The following SLC25A31 variants were observed in gnomAD, a reference collection of about 807,000 sequenced individuals.
SLC25A31 encodes solute carrier family 25 member 31.
Under a neutral mutation model 36.2 loss-of-function variants are expected in SLC25A31, and 40 were observed. The ratio of observed to expected loss-of-function variants is 1.10; its 90% CI spans 0.86 to 1.44. The LOEUF (loss-of-function observed/expected upper bound fraction) is 1.44. Ranked by LOEUF, SLC25A31 falls within the 40% of genes most tolerant of loss-of-function variation. The pLI, the probability that SLC25A31 is intolerant of heterozygous loss-of-function variation, is 0.00. For missense variants in SLC25A31, 350 were observed against 397.1 expected (o/e 0.88, Z 1.01); for synonymous variants, 143 against 149.7 (o/e 0.96, Z 0.32).
intron 1 of SLC25A31, among the ~76,000 whole-genome samples, chr4:127,735,009 T>G (rs1578654122): frequency 6.6e-6 from 1 of 152,192 alleles, no homozygotes; most frequent in African/African-American, 2.4e-5. Context: ...TTATAGATTC[T>G]ATTATCAGGT....
In SLC25A31 at chr4:127,764,232, A is replaced by C; in HGVS notation, c.361-11A>C. 10 of 1,608,632 alleles carry C rather than the reference A, an allele frequency of 6.2e-6. No homozygotes were observed. Among genetic ancestry groups the C allele is most frequent in the Non-Finnish European group, 8.5e-6 (10 of 1,175,904 alleles). On this transcript the variant is annotated splice_polypyrimidine_tract_variant and intron_variant, in intron 2 of 5. Transcript: ENST00000281154. ...TGGTTTAATAACCACTTTTAAATTA[A>C]TATGTTTCAGTTCTGGAGGTGGTTT... is the stretch of plus-strand genomic sequence containing the variant.
At chr4:127,738,144 C>A (rs779835575) in intron 1 of SLC25A31, among the ~76,000 whole-genome samples, 12 of 152,218 alleles carry the variant, frequency 7.9e-5, no homozygotes, top group Non-Finnish European at 1.8e-4. Flanking sequence ...TCACAGCTCA[C>A]TGCAGCCTTG....
intron 1 of SLC25A31, among the ~76,000 whole-genome samples, chr4:127,741,364 A>G (rs1319765812): frequency 1.3e-5 from 2 of 152,172 alleles, no homozygotes; most frequent in African/African-American, 2.4e-5. Flanking sequence ...CTTGTCACAT[A>G]TGGCCTTTAT....
chr4:127,751,786 G>A (rs1731938013), intron 2 of SLC25A31, among the ~76,000 whole-genome samples: 1 of 152,162 alleles, frequency 6.6e-6, no homozygotes, highest in Non-Finnish European at 1.5e-5. Context: ...CTCAAAAGAA[G>A]ACATTTATGC....
chr4:127,750,939 A>G (rs951345986), intron 2 of SLC25A31, among the ~76,000 whole-genome samples: 1 of 152,200 alleles, frequency 6.6e-6, no homozygotes, highest in African/African-American at 2.4e-5. Context: ...ATTTTTAATT[A>G]AAAAACATAG....
chr4:127,734,647 G>A (rs1026541379), intron 1 of SLC25A31, among the ~76,000 whole-genome samples: 3 of 150,420 alleles, frequency 2.0e-5, no homozygotes, highest in Non-Finnish European at 4.4e-5. Context: ...TCCGTGTCAC[G>A]AGTTTATCAG....
intron 1 of SLC25A31, among the ~76,000 whole-genome samples, chr4:127,731,647 C>G (rs1025478540): frequency 6.6e-6 from 1 of 152,184 alleles, no homozygotes; most frequent in East Asian, 1.9e-4. Flanking sequence ...ATCGCGCCAC[C>G]GCACTCCAGC....
intron 1 of SLC25A31, among the ~76,000 whole-genome samples, chr4:127,731,886 A>G (rs1197323097): frequency 1.3e-5 from 2 of 152,084 alleles, no homozygotes; most frequent in African/African-American, 4.8e-5. Context: ...AACACAATAT[A>G]TACAAGTTTA....
chr4:127,754,156 A>G (rs1332693592), intron 2 of SLC25A31, among the ~76,000 whole-genome samples: 4 of 152,118 alleles, frequency 2.6e-5, no homozygotes, highest in Non-Finnish European at 4.4e-5. Context: ...TCTCAACACA[A>G]AAAAAGATCA....
At chr4:127,771,861 CTTT>C (rs2148766935) in intron 5 of SLC25A31, among the ~76,000 whole-genome samples, 1 of 151,978 alleles carries the variant, frequency 6.6e-6, no homozygotes, top group Non-Finnish European at 1.5e-5. Context: ...ACCTTTTTTT[CTTT>C]TAATATGTTT....
chr4:127,770,440 C>T (rs1732332624), intron 5 of SLC25A31, among the ~76,000 whole-genome samples: 1 of 152,014 alleles, frequency 6.6e-6, no homozygotes. Context: ...TCCTGGCTAA[C>T]ACGGTGAAAC....
Position 127,757,546 on chromosome 4 carries a change from A to G in SLC25A31, c.361-6697A>G, listed in dbSNP as rs112041252. Among the ~76,000 whole-genome samples, 382 of 152,258 alleles carry G rather than the reference A, an allele frequency of 2.5e-3. 3 individuals carry two copies. Among genetic ancestry groups the G allele is most frequent in the African/African-American group, 8.3e-3 (345 of 41,532 alleles). ...TTTATCCATTCATCCATTGTTGGGC[A>G]CTTAGGTTGATTCTACGACTTTGTT... On this transcript the variant is annotated intron_variant, in intron 2 of 5. Transcript: ENST00000281154.
At chr4:127,744,853 A>G in intron 2 of SLC25A31, 54 bp downstream of exon 2, 2 of 1,271,672 alleles carry the variant, frequency 1.6e-6, no homozygotes, top group African/African-American at 1.5e-5. Flanking sequence ...TTTCCATCCA[A>G]TATAAATTTC....
At chr4:127,768,106 C>T (rs990719321) in intron 4 of SLC25A31, among the ~76,000 whole-genome samples, 1 of 151,298 alleles carries the variant, frequency 6.6e-6, no homozygotes, top group Non-Finnish European at 1.5e-5. Context: ...ATAATGCTTC[C>T]AAAAGGAAGC....
rs912600204 is a variant in SLC25A31 at position 127,734,531 on chromosome 4, T to C, written c.232+3754T>C. On this transcript the variant is annotated intron_variant, in intron 1 of 5. Coordinates refer to ENST00000281154, the MANE Select transcript of SLC25A31 (RefSeq NM_031291.4). ...GCCAAGATCGTGCCACTACACTCCA[T>C]CCTGGGTACAGAGGAAGACTGTCTC... Among the ~76,000 whole-genome samples the C allele has an allele frequency of 7.4e-5, 9 of 121,382 alleles. No homozygotes were observed. The Admixed American group carries it at 9.1e-4, about 12-fold the overall frequency. The allele number at this position is 121,382 out of a possible 152,430, so 79.6% of individuals were successfully genotyped here. A position where few individuals can be genotyped will look rare whatever the true frequency, so the allele number is the denominator to read the frequency against.
chr4:127,769,169 T>G (rs1394239563), intron 5 of SLC25A31, among the ~76,000 whole-genome samples: 1 of 152,166 alleles, frequency 6.6e-6, no homozygotes, highest in Non-Finnish European at 1.5e-5. Flanking sequence ...ATGTCTATCT[T>G]AACTGAAATA....
chr4:127,768,729 C>G (rs749311045), intron 4 of SLC25A31, 23 bp from the exon 5 acceptor site: 3 of 1,561,734 alleles, frequency 1.9e-6, no homozygotes, highest in Non-Finnish European at 2.6e-6. Context: ...TGGATAGTTA[C>G]TTGGCACATT....
chr4:127,769,837 T>C (rs1033798921), intron 5 of SLC25A31, among the ~76,000 whole-genome samples: 2 of 152,162 alleles, frequency 1.3e-5, no homozygotes, highest in Non-Finnish European at 2.9e-5. Flanking sequence ...ATTCTAAGCA[T>C]AGGGGGAAAA....
At chr4:127,769,699 T>C (rs1026737029) in intron 5 of SLC25A31, among the ~76,000 whole-genome samples, 1 of 152,192 alleles carries the variant, frequency 6.6e-6, no homozygotes, top group African/African-American at 2.4e-5. Context: ...GTTAATGGTT[T>C]AAATACAAAT....
Sources: allele counts gnomAD v4.1 joint callset (sites outside exome capture counted in the v4.1 genomes callset), GRCh38; gene constraint gnomAD v4.1.1; transcripts MANE v1.5; gene names NCBI Gene and HGNC (gene_info 2026-07-23, HGNC 2026-07-21).